NBAS: variants seen among roughly 807,000 people sequenced by gnomAD.
NBAS encodes the protein NBAS subunit of NRZ tethering complex.
NBAS carries 219 observed loss-of-function variants against 302.5 expected under a neutral mutation model. The ratio of observed to expected loss-of-function variants is 0.72; its 90% CI spans 0.65 to 0.81. The LOEUF (loss-of-function observed/expected upper bound fraction) is 0.81. Among genes scored for constraint, NBAS ranks in the 30% least tolerant of loss-of-function variants. The pLI is 0.00. For synonymous variants in NBAS, 1,118 were observed against 1,021.6 expected, an observed-to-expected ratio of 1.09 and a Z score of -1.80; for missense variants, 2,932 against 2,841.6, an observed-to-expected ratio of 1.03 and a Z score of -0.72.
the NBAS span, among the ~76,000 whole-genome samples, chr2:14,901,440 TA>T: frequency 0.59 from 88,952 of 150,370 alleles, 27,546 homozygotes; most frequent in African/African-American, 0.79. Flanking sequence ...CAGGTAATTT[TA>T]AAAAAAAAAA....
the NBAS span, among the ~76,000 whole-genome samples, chr2:15,139,842 T>C: frequency 3.3e-5 from 5 of 152,192 alleles, no homozygotes; most frequent in South Asian, 6.2e-4. Context: ...CCCTGTTTCC[T>C]TCAGTAGAGT....
the NBAS span, among the ~76,000 whole-genome samples, chr2:15,063,339 C>T: frequency 6.6e-6 from 1 of 151,940 alleles, no homozygotes; most frequent in Non-Finnish European, 1.5e-5. Context: ...ATCCCAGGAG[C>T]CTTCCTTAAG....
chr2:15,159,453 C>G, the NBAS span, among the ~76,000 whole-genome samples: 408 of 93,046 alleles, frequency 4.4e-3, 3 homozygotes, highest in African/African-American at 0.026. Flanking sequence ...AAGGAGGGAC[C>G]AGCACGTTAC....
intron 6 of NBAS, among the ~76,000 whole-genome samples, chr2:15,545,097 T>C (rs1664039987): frequency 6.6e-6 from 1 of 152,106 alleles, no homozygotes; most frequent in Non-Finnish European, 1.5e-5. Flanking sequence ...ACAGAATATA[T>C]GCTAGGCCAT....
intron 6 of NBAS, among the ~76,000 whole-genome samples, chr2:15,550,494 T>TG (rs1664325328): frequency 6.6e-6 from 1 of 152,192 alleles, no homozygotes; most frequent in South Asian, 2.1e-4. Context: ...ATCAGACAGA[T>TG]GGAACTGTAG....
intron 9 of NBAS, among the ~76,000 whole-genome samples, chr2:15,516,559 C>A (rs561488255): frequency 4.8e-4 from 73 of 152,128 alleles, no homozygotes; most frequent in African/African-American, 1.7e-3. Context: ...CCCGTCTCTA[C>A]TAAAATACAA....
the NBAS span, among the ~76,000 whole-genome samples, chr2:14,980,607 A>G: frequency 6.6e-6 from 1 of 152,194 alleles, no homozygotes; most frequent in African/African-American, 2.4e-5. Context: ...GCCCACCCAG[A>G]GGTCCTGATT....
In NBAS at chr2:15,396,459, T is replaced by C; in HGVS notation, c.3088A>G (p.Thr1030Ala). The change falls in exon 27 of 52, where the codon ACC becomes GCC. Residue 1030 changes from threonine to alanine, a missense_variant. By Grantham distance (58) the Thr-to-Ala change is moderately conservative (BLOSUM62 0). Coordinates refer to ENST00000281513, the MANE Select transcript of NBAS (RefSeq NM_015909.4). ...ERGYGDKTEATTKLHDMVDQL... is the reference protein window; with the variant it reads ...ERGYGDKTEAATKLHDMVDQL... ...TCTACCATGTCATGAAGCTTTGTGG[T>C]TGCCTCTGTCTTATCACTAATAAAT... 1.2e-6 allele frequency: 2 copies of C among 1,603,792 alleles called. No homozygotes were observed.
the NBAS span, among the ~76,000 whole-genome samples, chr2:15,083,309 T>C: frequency 6.6e-6 from 1 of 152,234 alleles, no homozygotes; most frequent in Non-Finnish European, 1.5e-5. Flanking sequence ...CCTTCTTCCC[T>C]CTCCATCTCC....
At chr2:14,884,693 A>T in the NBAS span, among the ~76,000 whole-genome samples, 1 of 152,348 alleles carries the variant, frequency 6.6e-6, no homozygotes, top group Non-Finnish European at 1.5e-5. Flanking sequence ...GGGAGCTGAC[A>T]TTCCAATGAG....
rs143745412 is a variant in NBAS, at chr2:15,363,755, T to A, written c.3817+2825A>T. Among the ~76,000 whole-genome samples the A allele has an allele frequency of 2.7e-3, 415 of 152,292 alleles. 1 individual carries two copies. The highest frequency in any genetic ancestry group is 9.3e-3 in the African/African-American group (386 of 41,568). On this transcript the variant is annotated intron_variant, in intron 32 of 51. Coordinates refer to ENST00000281513, the MANE Select transcript of NBAS (RefSeq NM_015909.4). ...GATGTGCCAAACAGTTATCTTAAAG[T>A]TCAAAGTTATTTAACTGTTTTTAAT... is the stretch of plus-strand genomic sequence containing the variant.
intron 21 of NBAS, among the ~76,000 whole-genome samples, chr2:15,447,149 A>G (rs1339868097): frequency 1.3e-5 from 2 of 152,258 alleles, no homozygotes; most frequent in African/African-American, 4.8e-5. Context: ...TTAAAACATC[A>G]GCTTTACGCT....
At chr2:15,204,864 T>C (rs1353141083) in intron 48 of NBAS, among the ~76,000 whole-genome samples, 2 of 151,888 alleles carry the variant, frequency 1.3e-5, no homozygotes, top group Non-Finnish European at 2.9e-5. Context: ...TGTCATGCAG[T>C]TGGGGGAAGG....
chr2:15,154,256 A>G, the NBAS span, among the ~76,000 whole-genome samples: 2 of 152,228 alleles, frequency 1.3e-5, no homozygotes, highest in Non-Finnish European at 2.9e-5. Context: ...AAAGAAGTTG[A>G]CAGATGGAAA....
chr2:14,990,136 G>A, the NBAS span, among the ~76,000 whole-genome samples: 64 of 151,780 alleles, frequency 4.2e-4, no homozygotes, highest in East Asian at 9.7e-3. Context: ...AAACAGGCCA[G>A]GTGCAGTGGC....
the NBAS span, among the ~76,000 whole-genome samples, chr2:14,995,374 A>C: frequency 6.6e-6 from 1 of 152,162 alleles, no homozygotes; most frequent in African/African-American, 2.4e-5. Flanking sequence ...TGCAGGGACA[A>C]GGATGAAGCT....
At position 15,428,654 on chromosome 2, in the gene NBAS, G is replaced by A. The variant is rs757647454; in HGVS notation, c.2340-860C>T. On this transcript the variant is annotated intron_variant, in intron 21 of 51. Coordinates refer to ENST00000281513, the MANE Select transcript of NBAS (RefSeq NM_015909.4). ...CTCAGAAAGCTGATGTAGGAGGATC[G>A]CTTGAGCCCTACTAAAAGGTTGAGA... 8.5e-5 allele frequency among the ~76,000 whole-genome samples: 13 copies of A among 152,186 alleles called. No individual in the cohort carries two copies. The South Asian group carries it at 2.1e-3, about 24-fold the overall frequency.
At chr2:15,071,901 G>T in the NBAS span, among the ~76,000 whole-genome samples, 2 of 152,180 alleles carry the variant, frequency 1.3e-5, no homozygotes, top group African/African-American at 4.8e-5. Context: ...CAACAAAGAT[G>T]TCATGAAAAC....
the NBAS span, among the ~76,000 whole-genome samples, chr2:14,831,287 G>C: frequency 6.6e-6 from 1 of 151,802 alleles, no homozygotes; most frequent in Admixed American, 6.6e-5. Context: ...AGCTAATAAT[G>C]GACAGAAACT....
Sources: gnomAD v4.1 joint callset for allele counts (sites outside exome capture counted in the v4.1 genomes callset) on GRCh38, gnomAD v4.1.1 for gene constraint, MANE v1.5 for transcripts, NCBI Gene and HGNC (gene_info 2026-07-23, HGNC 2026-07-21) for gene names.